The following CLHC1 variants were observed in gnomAD, a reference collection of about 807,000 sequenced individuals.
CLHC1 encodes the protein clathrin heavy chain linker domain-containing protein 1.
CLHC1 carries 72 observed loss-of-function variants against 69.5 expected under a neutral mutation model. The ratio of observed to expected loss-of-function variants is 1.04; its 90% CI spans 0.86 to 1.26. The LOEUF (loss-of-function observed/expected upper bound fraction) is 1.26. Ranked by LOEUF, CLHC1 falls within the 50% of genes most tolerant of loss-of-function variation. The probability of loss-of-function intolerance (pLI) is 0.00; values close to 1 mark genes in which losing one functional copy is unlikely to be tolerated. For missense variants in CLHC1, 790 were observed against 679.3 expected (o/e 1.16, Z -1.81); for synonymous variants, 223 against 224.3 (o/e 0.99, Z 0.05).
Position 55,206,295 on chromosome 2 carries a change from G to A in CLHC1, c.981C>T (p.Asn327=). 6.2e-7 allele frequency: 1 copy of A among 1,604,868 alleles called. No homozygotes were observed. Among genetic ancestry groups the A allele is most frequent in the Non-Finnish European group, 8.5e-7 (1 of 1,172,104 alleles). The change falls in exon 9 of 13, where the codon AAC becomes AAT. Residue 327 remains asparagine (N), a synonymous_variant. Transcript: ENST00000401408. The stretch of plus-strand genomic sequence containing the variant: ...CCTTAAATGTATTCATTGTACCAAT[G>A]TTTCGAAGAATTCTTCTAGGACTGT... The part of the protein sequence containing the change: ...AANSPRRILR[N]IGTMNTFKAV...
At chr2:55,204,067 C>G (rs935245972) in intron 9 of CLHC1, among the ~76,000 whole-genome samples, 1 of 152,150 alleles carries the variant, frequency 6.6e-6, no homozygotes, top group African/African-American at 2.4e-5. Flanking sequence ...GGTGGATCAC[C>G]TAAGGTCAGG....
chr2:55,176,506 T>C (rs564110422), intron 12 of CLHC1, among the ~76,000 whole-genome samples: 12 of 152,304 alleles, frequency 7.9e-5, no homozygotes, highest in Middle Eastern at 3.4e-3. Context: ...CTCTTAATGA[T>C]GGGGCTTCTA....
chr2:55,208,589 T>C (rs372752309), intron 8 of CLHC1, 37 bp downstream of exon 8: 34 of 1,312,730 alleles, frequency 2.6e-5, no homozygotes, highest in Non-Finnish European at 3.7e-5. Flanking sequence ...TATGAAAAAA[T>C]ATAATTCTGA....
chr2:55,228,906 T>C (rs182510295), intron 1 of CLHC1, among the ~76,000 whole-genome samples: 2,015 of 152,062 alleles, frequency 0.013, 97 homozygotes, highest in Admixed American at 0.097. Flanking sequence ...TCCCAGCACT[T>C]TGGAAAGCCG....
chr2:55,217,663 G>A, intron 4 of CLHC1, 148 bp downstream of exon 4: 1 of 448,098 alleles, frequency 2.2e-6, no homozygotes, highest in Non-Finnish European at 3.8e-6. Context: ...GTAACTTCAA[G>A]TTACTAGGAG....
At chr2:55,190,954 A>C (rs944476738) in intron 9 of CLHC1, among the ~76,000 whole-genome samples, 2 of 152,210 alleles carry the variant, frequency 1.3e-5, no homozygotes, top group African/African-American at 4.8e-5. Flanking sequence ...AAAAGTAAAA[A>C]TGAGAAAATC....
chr2:55,177,840 A>G (rs1049626600), intron 11 of CLHC1, 59 bp from the exon 12 acceptor site: 4 of 1,275,728 alleles, frequency 3.1e-6, no homozygotes, highest in Admixed American at 4.1e-5. Flanking sequence ...TCAACTAGAA[A>G]CTAGGACTAG....
Position 55,174,428 on chromosome 2 carries a change from AGAC to A in CLHC1, c.*1359_*1361del, listed in dbSNP as rs1669204560. Among the ~76,000 whole-genome samples, 2 of 152,238 alleles carry A rather than the reference AGAC, an allele frequency of 1.3e-5. No individual in the cohort carries two copies. Among genetic ancestry groups the A allele is most frequent in the African/African-American group, 4.8e-5 (2 of 41,450 alleles). ...GATAAACATATAAATACAAATGAGT[AGAC>A]ATATGGGATTTAGTAAGTACAAACT... On this transcript the variant is annotated 3_prime_UTR_variant, in exon 13 of 13. Coordinates refer to ENST00000401408, the MANE Select transcript of CLHC1 (RefSeq NM_152385.4).
chr2:55,215,722 C>T (rs561700178), intron 4 of CLHC1, among the ~76,000 whole-genome samples: 20 of 152,062 alleles, frequency 1.3e-4, no homozygotes, highest in Non-Finnish European at 2.2e-4. Flanking sequence ...TTCTGCATGC[C>T]GTAGTAAAAA....
intron 4 of CLHC1, 66 bp downstream of exon 4, chr2:55,217,745 A>T: frequency 2.0e-6 from 2 of 1,001,132 alleles, no homozygotes; most frequent in Non-Finnish European, 2.8e-6. Context: ...AGCTAGAGTT[A>T]CACTGGCTAG....
intron 2 of CLHC1, among the ~76,000 whole-genome samples, chr2:55,222,908 G>A (rs1289429741): frequency 1.1e-5 from 1 of 93,054 alleles, no homozygotes. Context: ...CAACAAGAGC[G>A]AAACTGTCTC....
intron 9 of CLHC1, among the ~76,000 whole-genome samples, chr2:55,203,402 T>G (rs1672145508): frequency 1.3e-5 from 2 of 152,170 alleles, no homozygotes; most frequent in South Asian, 4.1e-4. Context: ...ATTATCTAAC[T>G]TCAAATTCTA....
chr2:55,203,058 A>G (rs1672113477), intron 9 of CLHC1, among the ~76,000 whole-genome samples: 1 of 152,224 alleles, frequency 6.6e-6, no homozygotes, highest in African/African-American at 2.4e-5. Context: ...CAAATTAAAT[A>G]CCTAGAATTA....
intron 9 of CLHC1, among the ~76,000 whole-genome samples, chr2:55,206,043 T>C (rs1463571967): frequency 6.6e-6 from 1 of 152,206 alleles, no homozygotes; most frequent in Non-Finnish European, 1.5e-5. Context: ...AGTGAGTACA[T>C]GGGTGTTAAT....
In CLHC1 at chr2:55,177,598, T is replaced by C. The variant is rs1471510040; in HGVS notation, c.1564+4A>G. 1 of 1,586,708 alleles carries C rather than the reference T, an allele frequency of 6.3e-7. No individual in the cohort carries two copies. Among genetic ancestry groups the C allele is most frequent in the Non-Finnish European group, 8.6e-7 (1 of 1,163,274 alleles). ...TTTCTCCCACAACATTTTATTCTACTTACCTATCCCACCTTTATTGATTTC... is the reference window on the plus strand; with the variant it reads ...TTTCTCCCACAACATTTTATTCTACCTACCTATCCCACCTTTATTGATTTC... On this transcript the variant is annotated splice_donor_region_variant and intron_variant, in intron 12 of 12. Coordinates refer to ENST00000401408, the MANE Select transcript of CLHC1 (RefSeq NM_152385.4).
At chr2:55,186,605 C>A (rs907538871) in intron 9 of CLHC1, among the ~76,000 whole-genome samples, 2 of 150,452 alleles carry the variant, frequency 1.3e-5, no homozygotes, top group Admixed American at 6.6e-5. Context: ...ACAACAACAA[C>A]AAAAACACAT....
rs570087233 is a variant in CLHC1, at chr2:55,225,878, G to A, written c.-83+2154C>T. ...AAGTACTCAAGGCCAACTGTCACGTGATGAAGGAATGAATAAAGAATTTTT... is the reference window on the plus strand; with the variant it reads ...AAGTACTCAAGGCCAACTGTCACGTAATGAAGGAATGAATAAAGAATTTTT... On this transcript the variant is annotated intron_variant, in intron 2 of 12. Transcript: ENST00000401408. 2.6e-5 allele frequency: 4 copies of A among 152,312 alleles called. No individual in the cohort carries two copies. In the East Asian group the frequency reaches 7.7e-4, roughly 29 times the overall value. 9.4% of individuals were successfully genotyped at this position (152,312 alleles called of 1,614,324 possible).
At chr2:55,227,516 A>G (rs1255907833) in intron 2 of CLHC1, among the ~76,000 whole-genome samples, 1 of 152,016 alleles carries the variant, frequency 6.6e-6, no homozygotes, top group Non-Finnish European at 1.5e-5. Context: ...CATCTCTACT[A>G]AAAATACAAA....
intron 2 of CLHC1, chr2:55,225,466 C>G (rs1674599556): frequency 6.6e-6 from 1 of 152,270 alleles, no homozygotes; most frequent in Admixed American, 6.5e-5. Context: ...ACCTGACATT[C>G]TCCCAGGGCA....
Sources: gnomAD v4.1 joint callset for allele counts (sites outside exome capture counted in the v4.1 genomes callset) on GRCh38, gnomAD v4.1.1 for gene constraint, MANE v1.5 for transcripts, NCBI Gene and HGNC (gene_info 2026-07-23, HGNC 2026-07-21) for gene names.